KATNAL1: variants seen among roughly 807,000 people sequenced by gnomAD.
KATNAL1 encodes the protein katanin p60 ATPase-containing subunit A-like 1.
In KATNAL1, 32 loss-of-function variants were observed where a neutral mutation model predicts 55.2. The observed-to-expected ratio is 0.58, with a 90% CI of 0.44 to 0.78. KATNAL1 has a LOEUF of 0.78. KATNAL1 is among the 30% of genes least tolerant of loss of function. The probability of loss-of-function intolerance (pLI) is 0.00; values close to 1 mark genes in which losing one functional copy is unlikely to be tolerated. For missense variants in KATNAL1, 466 were observed against 600.9 expected, an observed-to-expected ratio of 0.78 and a Z score of 2.35; for synonymous variants, 193 against 193.6, an observed-to-expected ratio of 1.00 and a Z score of 0.02.
chr13:30,215,354 G>C (rs1275081665), intron 9 of KATNAL1, among the ~76,000 whole-genome samples: 1 of 152,202 alleles, frequency 6.6e-6, no homozygotes, highest in African/African-American at 2.4e-5. Context: ...AACCATTGTG[G>C]AAGTCAGTGT....
intron 6 of KATNAL1, among the ~76,000 whole-genome samples, chr13:30,234,892 T>A (rs75780055): frequency 0.043 from 6,614 of 152,240 alleles, 493 homozygotes; most frequent in African/African-American, 0.15. Flanking sequence ...GTTATCACAA[T>A]AGGCCCTGAA....
At chr13:30,277,640 A>G (rs1202114598) in intron 3 of KATNAL1, among the ~76,000 whole-genome samples, 5 of 152,238 alleles carry the variant, frequency 3.3e-5, no homozygotes, top group Admixed American at 6.5e-5. Flanking sequence ...TGCAATCTGA[A>G]TATTTATTTT....
intron 2 of KATNAL1, among the ~76,000 whole-genome samples, chr13:30,280,655 AACGC>A (rs1208254760): frequency 2.0e-5 from 3 of 152,158 alleles, no homozygotes; most frequent in African/African-American, 7.2e-5. Context: ...CTAAATATAA[AACGC>A]CTGTCATGAG....
intron 4 of KATNAL1, 90 bp from the exon 5 acceptor site, chr13:30,241,176 T>C: frequency 8.8e-7 from 1 of 1,135,304 alleles, no homozygotes; most frequent in Non-Finnish European, 1.3e-6. Context: ...ATGCCATCAC[T>C]TTCTAAATAA....
chr13:30,235,072 G>C (rs138374589), intron 6 of KATNAL1, among the ~76,000 whole-genome samples: 1 of 152,286 alleles, frequency 6.6e-6, no homozygotes, highest in East Asian at 1.9e-4. Context: ...GAGAACAAGA[G>C]ATTAAGAACC....
intron 1 of KATNAL1, among the ~76,000 whole-genome samples, chr13:30,292,297 C>T (rs1230297334): frequency 1.3e-5 from 2 of 152,046 alleles, no homozygotes; most frequent in Non-Finnish European, 2.9e-5. Context: ...AAAATTAACT[C>T]AAATGGATTA....
At chr13:30,241,121 T>C in intron 4 of KATNAL1, 35 bp from the exon 5 acceptor site, 5 of 1,575,590 alleles carry the variant, frequency 3.2e-6, no homozygotes, top group Non-Finnish European at 4.3e-6. Flanking sequence ...TACTAGTCAG[T>C]AATGGATAAT....
rs1872829359 is a variant in KATNAL1 at position 30,203,097 on chromosome 13, G to C, written c.*5443C>G. ...TACAAAACTCTAAGAAAATAGATGTGTGTTATGTTTGGAACTGCTGCTTTG... is the reference window on the plus strand; with the variant it reads ...TACAAAACTCTAAGAAAATAGATGTCTGTTATGTTTGGAACTGCTGCTTTG... On this transcript the variant is annotated 3_prime_UTR_variant, in exon 11 of 11. Transcript: ENST00000380615. 1 of 152,166 alleles carries C rather than the reference G, an allele frequency of 6.6e-6. No individual in the cohort carries two copies. The highest frequency in any genetic ancestry group is 1.5e-5 in the Non-Finnish European group (1 of 68,036). 9.4% of individuals were successfully genotyped at this position (152,166 alleles called of 1,614,324 possible). A position where few individuals can be genotyped will look rare whatever the true frequency, so the allele number is the denominator to read the frequency against.
At chr13:30,249,059 A>AC (rs1878058064) in intron 4 of KATNAL1, among the ~76,000 whole-genome samples, 2 of 16,702 alleles carry the variant, frequency 1.2e-4, no homozygotes, top group South Asian at 4.3e-3. Flanking sequence ...ACTCCGTCTC[A>AC]AAAAAAAAAA....
rs147452165 is a variant in KATNAL1 at position 30,226,318 on chromosome 13, G to A, written c.1147+1094C>T. 2.0e-4 allele frequency among the ~76,000 whole-genome samples: 30 copies of A among 152,116 alleles called. No individual in the cohort carries two copies. In the East Asian group the frequency reaches 4.4e-3, roughly 22 times the overall value. ...AAACATTCATCCATAAAAAAGATAC[G>A]TACCAGAAAGTTTACAGCTTTATTC... is the stretch of plus-strand genomic sequence containing the variant. On this transcript the variant is annotated intron_variant, in intron 9 of 10. Transcript: ENST00000380615.
At chr13:30,269,696 G>A (rs1006654853) in intron 3 of KATNAL1, among the ~76,000 whole-genome samples, 1 of 151,746 alleles carries the variant, frequency 6.6e-6, no homozygotes, top group Non-Finnish European at 1.5e-5. Flanking sequence ...ACCCCGTCTG[G>A]GAGGTGAGGA....
At chr13:30,269,146 G>A (rs1481834842) in intron 3 of KATNAL1, among the ~76,000 whole-genome samples, 1 of 152,122 alleles carries the variant, frequency 6.6e-6, no homozygotes, top group Non-Finnish European at 1.5e-5. Context: ...AAGCTGGACT[G>A]TACTGCTGCC....
chr13:30,290,730 G>T (rs948322093), intron 1 of KATNAL1, among the ~76,000 whole-genome samples: 2 of 152,028 alleles, frequency 1.3e-5, no homozygotes, highest in African/African-American at 4.8e-5. Flanking sequence ...ATGTAAAATA[G>T]ATAATGTATT....
In KATNAL1 at chr13:30,207,906, A is replaced by G. The variant is rs1339598097; in HGVS notation, c.*634T>C. ...AAAGACAGAGAAATGACCTGGCAAA[A>G]TGATTCAAATACCACAGAGCGTGAG... On this transcript the variant is annotated 3_prime_UTR_variant, in exon 11 of 11. Coordinates refer to ENST00000380615, the MANE Select transcript of KATNAL1 (RefSeq NM_032116.5). 1 of 152,244 alleles carries G rather than the reference A, an allele frequency of 6.6e-6. No homozygotes were observed. The highest frequency in any genetic ancestry group is 2.4e-5 in the African/African-American group (1 of 41,458). The allele number at this position is 152,244 out of a possible 1,614,324, so 9.4% of individuals were successfully genotyped here. A position where few individuals can be genotyped will look rare whatever the true frequency, so the allele number is the denominator to read the frequency against.
At chr13:30,293,837 C>T (rs1430575049) in intron 1 of KATNAL1, among the ~76,000 whole-genome samples, 1 of 152,164 alleles carries the variant, frequency 6.6e-6, no homozygotes, top group African/African-American at 2.4e-5. Context: ...TCTACCGGTG[C>T]CATTTTTCTA....
intron 1 of KATNAL1, among the ~76,000 whole-genome samples, chr13:30,299,927 T>G (rs1882756063): frequency 1.3e-5 from 2 of 152,138 alleles, no homozygotes. Context: ...AGCCATCTTT[T>G]CAGCTACATC....
At chr13:30,233,180 T>C (rs1266312916) in intron 6 of KATNAL1, among the ~76,000 whole-genome samples, 1 of 151,936 alleles carries the variant, frequency 6.6e-6, no homozygotes, top group African/African-American at 2.4e-5. Flanking sequence ...ACCCCCACAA[T>C]GGGAGAAAAT....
chr13:30,230,439 T>C, intron 8 of KATNAL1, 29 bp downstream of exon 8: 2 of 1,593,200 alleles, frequency 1.3e-6, no homozygotes, highest in Non-Finnish European at 1.7e-6. Flanking sequence ...AAAATGAGAG[T>C]TTTGAAACAA....
chr13:30,271,867 AAAG>A (rs144213951), intron 3 of KATNAL1, among the ~76,000 whole-genome samples: 1,622 of 148,410 alleles, frequency 0.011, 37 homozygotes, highest in African/African-American at 0.038. Context: ...AGTCAGAATA[AAAG>A]AAAAGAGGAA....
Sources: gnomAD v4.1 joint callset for allele counts (sites outside exome capture counted in the v4.1 genomes callset) on GRCh38, gnomAD v4.1.1 for gene constraint, MANE v1.5 for transcripts, NCBI Gene and HGNC (gene_info 2026-07-23, HGNC 2026-07-21) for gene names.